Variants in BMPER observed in about 807,000 individuals in gnomAD.
BMPER encodes the protein BMP binding endothelial regulator, also known as BMP-binding endothelial regulator protein.
In BMPER, 45 loss-of-function variants were observed where a neutral mutation model predicts 87.3. The observed-to-expected ratio is 0.52, with a 90% CI of 0.41 to 0.66. The LOEUF (loss-of-function observed/expected upper bound fraction) is 0.66, where lower values mean the gene tolerates loss of function less well. Among genes scored for constraint, BMPER ranks in the 30% least tolerant of loss-of-function variants. The pLI is 0.00. For missense variants in BMPER, 784 were observed against 867.5 expected (o/e 0.90, Z 1.21); for synonymous variants, 326 against 316.2 (o/e 1.03, Z -0.33).
intron 6 of BMPER, among the ~76,000 whole-genome samples, chr7:33,981,681 T>C (rs1357718757): frequency 1.3e-5 from 2 of 152,088 alleles, no homozygotes; most frequent in African/African-American, 4.8e-5. Flanking sequence ...TTCCTTCTCT[T>C]CCCCCACTGC....
At chr7:34,075,271 T>C (rs572458571) in intron 11 of BMPER, among the ~76,000 whole-genome samples, 1 of 152,348 alleles carries the variant, frequency 6.6e-6, no homozygotes, top group Non-Finnish European at 1.5e-5. Context: ...TTTTTTAAAC[T>C]TTTAAAGCAA....
intron 2 of BMPER, among the ~76,000 whole-genome samples, chr7:33,909,152 T>A (rs1302629987): frequency 6.6e-6 from 1 of 152,234 alleles, no homozygotes; most frequent in Non-Finnish European, 1.5e-5. Flanking sequence ...TTTCATTTAA[T>A]CTTCACAAAA....
chr7:34,046,939 T>TTTC (rs200982689), intron 7 of BMPER, among the ~76,000 whole-genome samples: 1 of 151,452 alleles, frequency 6.6e-6, no homozygotes, highest in Non-Finnish European at 1.5e-5. Context: ...TTTTTTTTTT[T>TTTC]CTCATTTTAT....
At chr7:34,050,621 C>G (rs1788124630) in intron 7 of BMPER, among the ~76,000 whole-genome samples, 1 of 152,080 alleles carries the variant, frequency 6.6e-6, no homozygotes, top group Non-Finnish European at 1.5e-5. Flanking sequence ...TGCTATTAAT[C>G]TTTTACAAGA....
At chr7:34,049,908 G>T (rs961572572) in intron 7 of BMPER, among the ~76,000 whole-genome samples, 2 of 152,040 alleles carry the variant, frequency 1.3e-5, no homozygotes, top group Non-Finnish European at 2.9e-5. Flanking sequence ...AAAAATAACT[G>T]CTCATTCATA....
At chr7:33,940,584 C>T (rs1158599371) in intron 3 of BMPER, among the ~76,000 whole-genome samples, 1 of 152,056 alleles carries the variant, frequency 6.6e-6, no homozygotes, top group Non-Finnish European at 1.5e-5. Flanking sequence ...TAGGAGAAAA[C>T]AACAACAACA....
intron 11 of BMPER, among the ~76,000 whole-genome samples, chr7:34,072,768 T>C (rs1472975267): frequency 1.3e-5 from 2 of 152,196 alleles, no homozygotes; most frequent in Non-Finnish European, 2.9e-5. Flanking sequence ...TTGGTCATAT[T>C]AGGCATTAGA....
chr7:34,070,955 C>A (rs1788722235), intron 11 of BMPER, among the ~76,000 whole-genome samples: 1 of 151,928 alleles, frequency 6.6e-6, no homozygotes, highest in Non-Finnish European at 1.5e-5. Flanking sequence ...AAATCTCAGG[C>A]CAATTTATTT....
At chr7:33,934,135 C>T (rs1347786504) in intron 2 of BMPER, among the ~76,000 whole-genome samples, 4 of 152,208 alleles carry the variant, frequency 2.6e-5, no homozygotes, top group Non-Finnish European at 5.9e-5. Flanking sequence ...GAAGGCATGG[C>T]TTTGCGTGTG....
chr7:33,981,408 A>G (rs1785855690), intron 6 of BMPER, among the ~76,000 whole-genome samples: 1 of 152,150 alleles, frequency 6.6e-6, no homozygotes, highest in Non-Finnish European at 1.5e-5. Flanking sequence ...CAGCACTGCA[A>G]AGCCCAGACA....
intron 10 of BMPER, among the ~76,000 whole-genome samples, chr7:34,060,724 T>C (rs948310682): frequency 2.0e-5 from 3 of 152,206 alleles, no homozygotes; most frequent in Non-Finnish European, 4.4e-5. Flanking sequence ...GTGTGAGCCA[T>C]GTGGCTTTGA....
chr7:33,987,684 T>G (rs1271198904), intron 6 of BMPER, among the ~76,000 whole-genome samples: 1 of 152,176 alleles, frequency 6.6e-6, no homozygotes, highest in South Asian at 2.1e-4. Flanking sequence ...ACTTTTTTTT[T>G]TTCCTCTTGT....
At chr7:34,000,804 A>G (rs1268518484) in intron 6 of BMPER, among the ~76,000 whole-genome samples, 1 of 152,092 alleles carries the variant, frequency 6.6e-6, no homozygotes, top group African/African-American at 2.4e-5. Context: ...TTTCACCATT[A>G]AGTATGATGC....
chr7:34,108,207 TGTC>T (rs2127985135), intron 13 of BMPER, among the ~76,000 whole-genome samples: 1 of 152,368 alleles, frequency 6.6e-6, no homozygotes, highest in South Asian at 2.1e-4. Context: ...GGAGATTGTT[TGTC>T]TTTCGATATA....
chr7:34,035,961 T>G (rs933693091), intron 6 of BMPER, among the ~76,000 whole-genome samples: 5 of 152,212 alleles, frequency 3.3e-5, no homozygotes, highest in Non-Finnish European at 7.3e-5. Flanking sequence ...TGTAGAAGTC[T>G]TGAGCAGTCA....
At chr7:34,088,093 G>A (rs1050504120) in intron 13 of BMPER, among the ~76,000 whole-genome samples, 3 of 152,190 alleles carry the variant, frequency 2.0e-5, no homozygotes, top group Non-Finnish European at 4.4e-5. Flanking sequence ...CTGTGTAAAG[G>A]GCTTGATGCC....
At chr7:34,131,344 T>C (rs902118343) in intron 13 of BMPER, among the ~76,000 whole-genome samples, 62 of 152,242 alleles carry the variant, frequency 4.1e-4, no homozygotes, top group African/African-American at 1.3e-3. Flanking sequence ...TGTGCAGTGA[T>C]GGGATGTGAA....
At chr7:33,920,677 GC>G (rs796773182) in intron 2 of BMPER, among the ~76,000 whole-genome samples, 66 of 151,716 alleles carry the variant, frequency 4.4e-4, no homozygotes, top group African/African-American at 1.6e-3. Flanking sequence ...GTCCACCTTG[GC>G]CCCCCCAAAG....
chr7:33,967,649 A>G (rs1331340457), intron 4 of BMPER, among the ~76,000 whole-genome samples: 6 of 152,228 alleles, frequency 3.9e-5, no homozygotes, highest in Non-Finnish European at 7.3e-5. Context: ...TGCAGGTTCA[A>G]TCAGTGTCAT....
Sources: allele counts gnomAD v4.1 joint callset (sites outside exome capture counted in the v4.1 genomes callset), GRCh38; gene constraint gnomAD v4.1.1; transcripts MANE v1.5; gene names NCBI Gene and HGNC (gene_info 2026-07-23, HGNC 2026-07-21).